The following ING5 variants were observed in gnomAD, a reference collection of about 807,000 sequenced individuals.
ING5 encodes the protein inhibitor of growth family member 5.
In ING5, 17 loss-of-function variants were observed where a neutral mutation model predicts 37.4. That is an observed-to-expected ratio of 0.45 (90% CI 0.31 to 0.68). The LOEUF (loss-of-function observed/expected upper bound fraction) is 0.68, where lower values mean the gene tolerates loss of function less well. ING5 is among the 30% of genes least tolerant of loss of function. The pLI is 0.05. For missense variants in ING5, 233 were observed against 311.9 expected, an observed-to-expected ratio of 0.75 and a Z score of 1.91; for synonymous variants, 123 against 116.6, an observed-to-expected ratio of 1.06 and a Z score of -0.36.
At chr2:241,695,520 T>C (rs1417206505) in intron 2 of ING5, among the ~76,000 whole-genome samples, 3 of 152,190 alleles carry the variant, frequency 2.0e-5, no homozygotes, top group African/African-American at 7.2e-5. Flanking sequence ...AGCCCATCTC[T>C]ACTAAAAATA....
Position 241,723,742 on chromosome 2 carries a change from C to A in ING5, c.680+471C>A, listed in dbSNP as rs769700470. 3.1e-6 allele frequency: 5 copies of A among 1,597,078 alleles called. No homozygotes were observed. The African/African-American group carries it at 5.3e-5, about 17-fold the overall frequency. On this transcript the variant is annotated intron_variant, in intron 7 of 7. Coordinates refer to ENST00000313552, the MANE Select transcript of ING5 (RefSeq NM_032329.6). ...AGAAGGGTGTGTTTTCTCTACCTGACCCTTGCATCCCCTTGGCAATGGCAA... is the reference window on the plus strand; with the variant it reads ...AGAAGGGTGTGTTTTCTCTACCTGAACCTTGCATCCCCTTGGCAATGGCAA...
chr2:241,692,999 G>A (rs947758832), intron 2 of ING5, among the ~76,000 whole-genome samples: 3 of 152,096 alleles, frequency 2.0e-5, no homozygotes, highest in African/African-American at 7.2e-5. Context: ...GTTGGCTCAC[G>A]CCTGTAATCT....
At chr2:241,709,645 C>T (rs189960161) in intron 3 of ING5, among the ~76,000 whole-genome samples, 18 of 145,694 alleles carry the variant, frequency 1.2e-4, no homozygotes, top group Admixed American at 1.1e-3. Context: ...CTCACTTTGT[C>T]GTCCACGGTG....
chr2:241,728,791 G>C lies in ING5; in HGVS notation c.*3760G>C, dbSNP rs1201332988. ...GCAGCAGCTGACCGCCCGTCTCACT[G>C]TTGGCCAGGGCTTTGTGGCGTGGGT... On this transcript the variant is annotated 3_prime_UTR_variant, in exon 8 of 8. Transcript: ENST00000313552. 1 of 152,374 alleles carries C rather than the reference G, an allele frequency of 6.6e-6. No homozygotes were observed. Among genetic ancestry groups the C allele is most frequent in the Non-Finnish European group, 1.5e-5 (1 of 68,126 alleles). The allele number at this position is 152,374 out of a possible 1,614,324, so 9.4% of individuals were successfully genotyped here. A position where few individuals can be genotyped will look rare whatever the true frequency, so the allele number is the denominator to read the frequency against.
At chr2:241,702,419 C>A (rs1038861257) in intron 1 of ING5, among the ~76,000 whole-genome samples, 10 of 151,694 alleles carry the variant, frequency 6.6e-5, no homozygotes, top group Non-Finnish European at 1.5e-4. Context: ...CCTACCCAGG[C>A]CCCGCCTCAT....
At chr2:241,693,005 A>C (rs1300473460) in intron 2 of ING5, among the ~76,000 whole-genome samples, 2 of 152,132 alleles carry the variant, frequency 1.3e-5, no homozygotes, top group Non-Finnish European at 2.9e-5. Flanking sequence ...TCACGCCTGT[A>C]ATCTCAGCAC....
intron 5 of ING5, chr2:241,720,016 G>A: frequency 8.0e-7 from 1 of 1,246,524 alleles, no homozygotes; most frequent in Non-Finnish European, 1.0e-6. Context: ...CGTCGAGACA[G>A]GCTGGTAAGG....
In ING5 at chr2:241,708,383, A is replaced by G. The variant is rs1426816314; in HGVS notation, c.110-833A>G. ...CCACCACGCCCGGCTAATTTTTTGT[A>G]TTTTTAGTAGAGACGGGGTTTCATC... On this transcript the variant is annotated intron_variant, in intron 2 of 7. Transcript: ENST00000313552. Among the ~76,000 whole-genome samples the G allele has an allele frequency of 6.0e-5, 9 of 150,418 alleles. No individual in the cohort carries two copies. The Admixed American group carries it at 6.0e-4, about 10-fold the overall frequency.
In ING5 at chr2:241,723,093, AT is replaced by A. The variant is rs1293866632; in HGVS notation, c.618+21del. ...TCCAGACGTGAGTGTCGCCTGCAGG[AT>A]TCGCGCCATGGGGCGGGGTCTTGTG... is the stretch of plus-strand genomic sequence containing the variant. On this transcript the variant is annotated intron_variant, in intron 6 of 7. Transcript: ENST00000313552. The A allele has an allele frequency of 6.2e-7, 1 of 1,614,200 alleles. No homozygotes were observed. The highest frequency in any genetic ancestry group is 1.3e-5 in the African/African-American group (1 of 75,062).
intron 5 of ING5, chr2:241,719,681 T>C (rs2070377400): frequency 1.3e-6 from 2 of 1,528,526 alleles, no homozygotes; most frequent in African/African-American, 2.7e-5. Flanking sequence ...CAGCTCCCTG[T>C]TGGGGTCGGG....
intron 5 of ING5, chr2:241,721,919 C>T: frequency 1.0e-6 from 1 of 985,724 alleles, no homozygotes; most frequent in African/African-American, 1.7e-5. Flanking sequence ...GGTGGAACAC[C>T]TGCCAGGCTG....
intron 5 of ING5, chr2:241,719,719 T>C (rs1341829988): frequency 1.3e-6 from 2 of 1,483,154 alleles, no homozygotes; most frequent in African/African-American, 1.4e-5. Flanking sequence ...TCTGCCCAGC[T>C]TCAGAGACCT....
intron 5 of ING5, among the ~76,000 whole-genome samples, chr2:241,714,190 C>G (rs552177506): frequency 1.3e-5 from 2 of 152,256 alleles, no homozygotes; most frequent in African/African-American, 4.8e-5. Context: ...CCCAAATAAA[C>G]ATGATCCAGA....
chr2:241,712,661 C>T (rs1281628075), intron 5 of ING5, among the ~76,000 whole-genome samples: 1 of 152,146 alleles, frequency 6.6e-6, no homozygotes, highest in African/African-American at 2.4e-5. Context: ...AGAGGAGTGA[C>T]ATTTAGACTA....
At chr2:241,701,657 G>A (rs1021843195), upstream of ING5, among the ~76,000 whole-genome samples, 1 of 152,298 alleles carries the variant, frequency 6.6e-6, no homozygotes, top group East Asian at 1.9e-4. Context: ...CCGGGACCCG[G>A]CCGGGAGCAG....
Position 241,709,384 on chromosome 2 carries a change from T to G in ING5, c.276+2T>G. The G allele has an allele frequency of 6.2e-7, 1 of 1,609,516 alleles. No individual in the cohort carries two copies. The highest frequency in any genetic ancestry group is 1.1e-5 in the South Asian group (1 of 90,760). Reference sequence around the variant, plus strand: ...CTGGCCATGCAGACCTACGAGATGGTGAGGGCGGGGCGGGGGCCATGGCTC... The same window carrying G: ...CTGGCCATGCAGACCTACGAGATGGGGAGGGCGGGGCGGGGGCCATGGCTC... On this transcript the variant is annotated splice_donor_variant, in intron 3 of 7. Coordinates refer to ENST00000313552, the MANE Select transcript of ING5 (RefSeq NM_032329.6). LOFTEE classifies it high-confidence loss of function.
At chr2:241,719,289 C>T (rs1170646932) in intron 5 of ING5, among the ~76,000 whole-genome samples, 2 of 152,264 alleles carry the variant, frequency 1.3e-5, no homozygotes, top group Non-Finnish European at 1.5e-5. Context: ...CCATGTGTGG[C>T]TGTGTGGGCT....
At chr2:241,693,767 C>T (rs1209171420) in intron 2 of ING5, among the ~76,000 whole-genome samples, 1 of 143,720 alleles carries the variant, frequency 7.0e-6, no homozygotes, top group East Asian at 2.2e-4. Flanking sequence ...AAGCAATTCT[C>T]CTGCCTCAGC....
At chr2:241,721,676 C>T (rs1162221080) in intron 5 of ING5, 6 of 984,922 alleles carry the variant, frequency 6.1e-6, no homozygotes, top group Middle Eastern at 5.2e-4. Flanking sequence ...ACTAGATATT[C>T]GTGGGTTGGA....
Sources: gnomAD v4.1 joint callset for allele counts (sites outside exome capture counted in the v4.1 genomes callset) on GRCh38, gnomAD v4.1.1 for gene constraint, MANE v1.5 for transcripts, NCBI Gene and HGNC (gene_info 2026-07-23, HGNC 2026-07-21) for gene names.